The following ADAMTS19 variants were observed in gnomAD, a reference collection of about 807,000 sequenced individuals.
ADAMTS19 encodes A disintegrin and metalloproteinase with thrombospondin motifs 19.
In ADAMTS19, 93 loss-of-function variants were observed where a neutral mutation model predicts 153.3. That is an observed-to-expected ratio of 0.61 (90% confidence interval 0.51 to 0.72). ADAMTS19 has a LOEUF of 0.72. Among genes scored for constraint, ADAMTS19 ranks in the 30% least tolerant of loss-of-function variants. The probability of loss-of-function intolerance (pLI) is 0.00; values close to 1 mark genes in which losing one functional copy is unlikely to be tolerated. For missense variants in ADAMTS19, 1,482 were observed against 1,552.1 expected, an observed-to-expected ratio of 0.95 and a Z score of 0.76; for synonymous variants, 600 against 556.6, an observed-to-expected ratio of 1.08 and a Z score of -1.10.
chr5:129,537,890 T>A (rs887645272), intron 6 of ADAMTS19, among the ~76,000 whole-genome samples: 2 of 152,012 alleles, frequency 1.3e-5, no homozygotes, highest in Admixed American at 6.6e-5. Context: ...AACCTGCACG[T>A]TGTGCACATG....
At chr5:129,557,709 T>A (rs1158073918) in intron 7 of ADAMTS19, among the ~76,000 whole-genome samples, 1 of 152,196 alleles carries the variant, frequency 6.6e-6, no homozygotes, top group East Asian at 1.9e-4. Context: ...TATTTCAATG[T>A]TATACAAACT....
intron 16 of ADAMTS19, among the ~76,000 whole-genome samples, 165 bp from the exon 17 acceptor site, chr5:129,679,599 A>T (rs753216009): frequency 2.6e-5 from 4 of 152,248 alleles, no homozygotes; most frequent in Non-Finnish European, 5.9e-5. Flanking sequence ...ATCTGCCATG[A>T]TTGCAGACTT....
At chr5:129,550,812 AG>A (rs1753064386) in intron 6 of ADAMTS19, among the ~76,000 whole-genome samples, 1 of 151,622 alleles carries the variant, frequency 6.6e-6, no homozygotes, top group Non-Finnish European at 1.5e-5. Context: ...ACACACAAAA[AG>A]CCTATTGTAA....
chr5:129,524,610 GA>G (rs58978509), intron 3 of ADAMTS19, among the ~76,000 whole-genome samples: 46,136 of 142,802 alleles, frequency 0.32, 9,280 homozygotes, highest in African/African-American at 0.57. Context: ...AAATTTACAA[GA>G]AAAAAAAAAA....
Position 129,658,741 on chromosome 5 carries a change from A to C in ADAMTS19, c.2425+4A>C. The stretch of plus-strand genomic sequence containing the variant: ...TTTAATCACACCAGAGGAGCAGGTA[A>C]TTTTTCTTTATTTTTTCATAAATAT... On this transcript the variant is annotated splice_donor_region_variant and intron_variant, in intron 15 of 22. Transcript: ENST00000274487. 6.3e-7 allele frequency: 1 copy of C among 1,597,086 alleles called. No individual in the cohort carries two copies. The highest frequency in any genetic ancestry group is 8.5e-7 in the Non-Finnish European group (1 of 1,173,914).
intron 2 of ADAMTS19, among the ~76,000 whole-genome samples, chr5:129,501,316 C>A (rs1247872920): frequency 6.6e-6 from 1 of 152,096 alleles, no homozygotes; most frequent in African/African-American, 2.4e-5. Flanking sequence ...AAAACTCAGT[C>A]CACTTAGAAA....
intron 8 of ADAMTS19, among the ~76,000 whole-genome samples, chr5:129,598,483 A>G (rs1402006348): frequency 6.6e-6 from 1 of 152,242 alleles, no homozygotes; most frequent in African/African-American, 2.4e-5. Flanking sequence ...TCAAATTGTA[A>G]TTACACAGCT....
chr5:129,643,312 A>G (rs1752889689), intron 11 of ADAMTS19, among the ~76,000 whole-genome samples: 1 of 148,924 alleles, frequency 6.7e-6, no homozygotes, highest in South Asian at 2.1e-4. Context: ...CAGTGAGCCG[A>G]GACTGCACCA....
At chr5:129,497,046 C>T (rs1365537421) in intron 2 of ADAMTS19, among the ~76,000 whole-genome samples, 1 of 152,056 alleles carries the variant, frequency 6.6e-6, no homozygotes, top group Admixed American at 6.6e-5. Context: ...TTAACAACAG[C>T]ATGAACACAT....
At chr5:129,596,301 AT>A (rs1438331237) in intron 7 of ADAMTS19, among the ~76,000 whole-genome samples, 2 of 152,098 alleles carry the variant, frequency 1.3e-5, no homozygotes, top group Non-Finnish European at 2.9e-5. Flanking sequence ...ATATTCTTAT[AT>A]TATTCCTTTT....
At chr5:129,529,342 G>A (rs972055882) in intron 6 of ADAMTS19, among the ~76,000 whole-genome samples, 1 of 152,072 alleles carries the variant, frequency 6.6e-6, no homozygotes, top group Admixed American at 6.6e-5. Context: ...TCACATCACA[G>A]TAGCGTAAAT....
chr5:129,614,430 A>G (rs957629731), intron 8 of ADAMTS19, among the ~76,000 whole-genome samples: 1 of 152,174 alleles, frequency 6.6e-6, no homozygotes, highest in Non-Finnish European at 1.5e-5. Context: ...ACCAAAGACA[A>G]AAACCACATG....
intron 8 of ADAMTS19, among the ~76,000 whole-genome samples, chr5:129,613,898 C>G (rs1269770813): frequency 6.6e-6 from 1 of 152,140 alleles, no homozygotes; most frequent in East Asian, 1.9e-4. Flanking sequence ...TCAGAGAATA[C>G]TATAAACACC....
chr5:129,518,505 A>G (rs971165302), intron 3 of ADAMTS19, among the ~76,000 whole-genome samples: 6 of 152,116 alleles, frequency 3.9e-5, no homozygotes, highest in African/African-American at 1.4e-4. Flanking sequence ...ACTTCAGCAC[A>G]GTACATGACA....
chr5:129,493,398 T>TAAGATCTTAGTGTTTGCCTCTTTACAAA (rs146233579), intron 2 of ADAMTS19, among the ~76,000 whole-genome samples: 2 of 152,066 alleles, frequency 1.3e-5, no homozygotes, highest in Admixed American at 6.6e-5. Context: ...ATTTGGCTAC[T>TAAGATCTTAGTGTTTGCCTCTTTACAAA]ACAGGTGTGC....
chr5:129,525,553 T>C (rs1485699479), intron 3 of ADAMTS19, among the ~76,000 whole-genome samples: 1 of 152,068 alleles, frequency 6.6e-6, no homozygotes, highest in African/African-American at 2.4e-5. Context: ...GCAACTATCT[T>C]CTGTCACTTG....
chr5:129,622,552 TAAAG>T (rs1351315451), intron 10 of ADAMTS19, among the ~76,000 whole-genome samples: 8 of 152,194 alleles, frequency 5.3e-5, no homozygotes, highest in Admixed American at 6.5e-5. Flanking sequence ...TCAAAGTGAA[TAAAG>T]AAAGACCTAA....
rs1253369457 is a variant in ADAMTS19 at position 129,584,398 on chromosome 5, C to T, written c.1373-12161C>T. On this transcript the variant is annotated intron_variant, in intron 7 of 22. Coordinates refer to ENST00000274487, the MANE Select transcript of ADAMTS19 (RefSeq NM_133638.6). The stretch of plus-strand genomic sequence containing the variant: ...TCAGGGACCCACTTGAGGAGGCAGT[C>T]TGTCCCTTAGAAGAGCTCAAACACT... Among the ~76,000 whole-genome samples, 4 of 152,334 alleles carry T rather than the reference C, an allele frequency of 2.6e-5. No homozygotes were observed. In the South Asian group the frequency reaches 8.3e-4, roughly 32 times the overall value.
intron 7 of ADAMTS19, among the ~76,000 whole-genome samples, chr5:129,577,223 T>C (rs1749173860): frequency 6.6e-6 from 1 of 152,134 alleles, no homozygotes; most frequent in South Asian, 2.1e-4. Flanking sequence ...AAATTTTTTA[T>C]TGCTACACTG....
Sources: allele counts gnomAD v4.1 joint callset (sites outside exome capture counted in the v4.1 genomes callset), GRCh38; gene constraint gnomAD v4.1.1; transcripts MANE v1.5; gene names NCBI Gene and HGNC (gene_info 2026-07-23, HGNC 2026-07-21).